The following POU2AF2 variants were observed in gnomAD, a reference collection of about 807,000 sequenced individuals.
POU2AF2 encodes POU domain class 2-associating factor 2.
chr11:111,260,655 C>T, the POU2AF2 span, among the ~76,000 whole-genome samples: 2 of 152,130 alleles, frequency 1.3e-5, no homozygotes, highest in Non-Finnish European at 2.9e-5. Flanking sequence ...CTTGAAAAAG[C>T]AAAGGCAAAT....
chr11:111,266,097 T>TAA, the POU2AF2 span, among the ~76,000 whole-genome samples: 5 of 148,816 alleles, frequency 3.4e-5, no homozygotes, highest in South Asian at 2.1e-4. Flanking sequence ...ACTGCCAATT[T>TAA]AAAAAAAAAA....
At chr11:111,262,921 C>T in the POU2AF2 span, among the ~76,000 whole-genome samples, 2 of 152,184 alleles carry the variant, frequency 1.3e-5, no homozygotes, top group Non-Finnish European at 2.9e-5. Context: ...TTTATATATA[C>T]TGTACAAGTA....
At chr11:111,278,223 C>A in the POU2AF2 span, among the ~76,000 whole-genome samples, 1 of 152,180 alleles carries the variant, frequency 6.6e-6, no homozygotes. Flanking sequence ...CTCATTTAAT[C>A]TTCATGTGCC....
At chr11:111,248,676 C>T in the POU2AF2 span, among the ~76,000 whole-genome samples, 135 of 152,220 alleles carry the variant, frequency 8.9e-4, no homozygotes, top group African/African-American at 2.8e-3. Context: ...TTTGTTTGAA[C>T]TATCTCTTTA....
At chr11:111,280,055 A>ATATATATATATATATATATATAT in the POU2AF2 span, among the ~76,000 whole-genome samples, 2 of 65,728 alleles carry the variant, frequency 3.0e-5, no homozygotes, top group Admixed American at 2.3e-4. Context: ...AAAAAAAAAA[A>ATATATATATATATATATATATAT]AAATATATAT....
the POU2AF2 span, among the ~76,000 whole-genome samples, chr11:111,252,458 G>T: frequency 2.0e-5 from 3 of 152,114 alleles, no homozygotes; most frequent in South Asian, 4.2e-4. Context: ...AATCACCGAC[G>T]TATATTCTTT....
At chr11:111,276,693 C>T in the POU2AF2 span, among the ~76,000 whole-genome samples, 3 of 148,528 alleles carry the variant, frequency 2.0e-5, no homozygotes, top group Non-Finnish European at 3.0e-5. Context: ...ATAGCAGACG[C>T]CTCAACAGCA....
the POU2AF2 span, among the ~76,000 whole-genome samples, chr11:111,256,857 C>A: frequency 1.3e-5 from 2 of 152,138 alleles, no homozygotes; most frequent in Admixed American, 6.5e-5. Context: ...TTACTCTAAA[C>A]CCAACAGAGA....
At chr11:111,255,144 A>G in the POU2AF2 span, among the ~76,000 whole-genome samples, 4 of 152,188 alleles carry the variant, frequency 2.6e-5, no homozygotes, top group Non-Finnish European at 4.4e-5. Flanking sequence ...TCTCTCTGTA[A>G]TTCCCTCATG....
chr11:111,251,229 G>A, the POU2AF2 span, among the ~76,000 whole-genome samples: 6 of 152,184 alleles, frequency 3.9e-5, no homozygotes, highest in African/African-American at 9.7e-5. Context: ...GATGTATTTT[G>A]TAGGTAGCAC....
the POU2AF2 span, chr11:111,281,267 T>C: frequency 1.6e-6 from 1 of 639,538 alleles, no homozygotes. Context: ...TCAGTTGACC[T>C]GAGGGTCAAC....
the POU2AF2 span, chr11:111,284,478 T>C: frequency 1.5e-6 from 2 of 1,371,644 alleles, no homozygotes; most frequent in Non-Finnish European, 1.9e-6. Flanking sequence ...CAGGTCTGGC[T>C]CACCCTGTAG....
chr11:111,267,675 GA>G, the POU2AF2 span, among the ~76,000 whole-genome samples: 1 of 152,136 alleles, frequency 6.6e-6, no homozygotes, highest in Non-Finnish European at 1.5e-5. Flanking sequence ...GTGAAACATA[GA>G]GTTTACCAGA....
chr11:111,266,955 C>G, the POU2AF2 span, among the ~76,000 whole-genome samples: 1 of 152,200 alleles, frequency 6.6e-6, no homozygotes, highest in Non-Finnish European at 1.5e-5. Context: ...GGCCCTCCTG[C>G]TCAGCTCTCA....
chr11:111,263,752 T>C, the POU2AF2 span, among the ~76,000 whole-genome samples: 1 of 151,954 alleles, frequency 6.6e-6, no homozygotes, highest in Admixed American at 6.6e-5. Context: ...TTCTAAGACA[T>C]AGAAAACACA....
At chr11:111,276,449 A>ATATATATATATAT in the POU2AF2 span, among the ~76,000 whole-genome samples, 1 of 49,728 alleles carries the variant, frequency 2.0e-5, no homozygotes, top group African/African-American at 7.1e-5. Flanking sequence ...GAAAAAAAAA[A>ATATATATATATAT]AAAAATATAT....
At chr11:111,281,505 A>G in the POU2AF2 span, 2 of 1,549,272 alleles carry the variant, frequency 1.3e-6, no homozygotes, top group East Asian at 4.5e-5. Context: ...CTGGGCTTCC[A>G]TTCTTTCATA....
At chr11:111,278,722 C>T in the POU2AF2 span, among the ~76,000 whole-genome samples, 1 of 152,184 alleles carries the variant, frequency 6.6e-6, no homozygotes, top group African/African-American at 2.4e-5. Context: ...TTAAGCCATG[C>T]AGTCTATGGT....
chr11:111,264,574 AAGGG>A, the POU2AF2 span, among the ~76,000 whole-genome samples: 103 of 24,530 alleles, frequency 4.2e-3, 14 homozygotes, highest in South Asian at 0.014. Flanking sequence ...GAAAGAAAGA[AAGGG>A]AGAGAGAAAG....
Sources: allele counts gnomAD v4.1 joint callset (sites outside exome capture counted in the v4.1 genomes callset), GRCh38; gene constraint gnomAD v4.1.1; transcripts MANE v1.5; gene names NCBI Gene and HGNC (gene_info 2026-07-23, HGNC 2026-07-21).